Variants in SNAP47 observed in about 807,000 individuals in gnomAD.
SNAP47 encodes synaptosome associated protein 47.
Under a neutral mutation model 31.4 loss-of-function variants are expected in SNAP47, and 20 were observed. The observed-to-expected ratio is 0.64, with a 90% CI of 0.45 to 0.93. SNAP47 has a LOEUF of 0.93. SNAP47 is among the 40% of genes least tolerant of loss of function. The probability of loss-of-function intolerance (pLI) is 0.00; values close to 1 mark genes in which losing one functional copy is unlikely to be tolerated. For synonymous variants in SNAP47, 194 were observed against 213.4 expected (o/e 0.91, Z 0.79); for missense variants, 492 against 528.5 (o/e 0.93, Z 0.68).
At chr1:227,732,659 G>A (rs1200567624), upstream of SNAP47, 1 of 1,612,972 alleles carries the variant, frequency 6.2e-7, no homozygotes, top group Admixed American at 1.7e-5. Flanking sequence ...TGATGCCCGA[G>A]CAGGACCTCA....
At chr1:227,729,188 G>A (rs1291992291) in intron 1 of SNAP47, among the ~76,000 whole-genome samples, 1 of 152,232 alleles carries the variant, frequency 6.6e-6, no homozygotes, top group Non-Finnish European at 1.5e-5. Context: ...CCTGCAGTGG[G>A]AGGGTAACTG....
At chr1:227,773,075 C>T (rs144929835) in intron 4 of SNAP47, among the ~76,000 whole-genome samples, 11,441 of 151,720 alleles carry the variant, frequency 0.075, 712 homozygotes, top group East Asian at 0.32. Flanking sequence ...ATTCTCCCAC[C>T]TCAGCCTCCC....
chr1:227,766,299 C>T (rs1663397603), intron 3 of SNAP47, among the ~76,000 whole-genome samples: 1 of 152,228 alleles, frequency 6.6e-6, no homozygotes, highest in Admixed American at 6.5e-5. Flanking sequence ...AACATTGCGC[C>T]CTTATCTGGG....
chr1:227,758,746 C>T (rs1290567866), intron 2 of SNAP47, among the ~76,000 whole-genome samples: 2 of 152,144 alleles, frequency 1.3e-5, no homozygotes, highest in African/African-American at 2.4e-5. Flanking sequence ...AGAAGGTGTG[C>T]ATTTTTGCTG....
At chr1:227,728,987 G>A (rs941922963) in intron 1 of SNAP47, among the ~76,000 whole-genome samples, 1 of 152,204 alleles carries the variant, frequency 6.6e-6, no homozygotes, top group Non-Finnish European at 1.5e-5. Context: ...TCCACGAGCT[G>A]CGGCTCTCTA....
chr1:227,744,698 G>A (rs1462708727), intron 1 of SNAP47, among the ~76,000 whole-genome samples: 1 of 152,026 alleles, frequency 6.6e-6, no homozygotes, highest in Non-Finnish European at 1.5e-5. Flanking sequence ...GTGTGGCAAC[G>A]CCCTGGCAGT....
chr1:227,740,557 A>G (rs1558190115), intron 1 of SNAP47, among the ~76,000 whole-genome samples: 1 of 152,144 alleles, frequency 6.6e-6, no homozygotes, highest in African/African-American at 2.4e-5. Context: ...GGGCACACAT[A>G]TAATGGAAAG....
At chr1:227,734,647 T>C (rs764480381), upstream of SNAP47, 9 of 1,613,806 alleles carry the variant, frequency 5.6e-6, no homozygotes, top group East Asian at 6.7e-5. Flanking sequence ...CCAAGCCCCA[T>C]TACCTGCACA....
At chr1:227,749,801 G>C (rs558876991) in intron 2 of SNAP47, among the ~76,000 whole-genome samples, 1 of 124,876 alleles carries the variant, frequency 8.0e-6, no homozygotes, top group South Asian at 2.5e-4. Flanking sequence ...GTGTGTTTCT[G>C]TTTGTGTCTG....
upstream of SNAP47, among the ~76,000 whole-genome samples, chr1:227,730,164 A>G (rs1660548497): frequency 6.6e-6 from 1 of 152,200 alleles, no homozygotes; most frequent in Non-Finnish European, 1.5e-5. Context: ...GCAGGGGCTA[A>G]CCACCGCACA....
chr1:227,763,184 G>A lies in SNAP47; in HGVS notation c.988+3699G>A, dbSNP rs1473389831. ...TGCCTAGGCTGGTCTTGAACTCCTG[G>A]GCTCAAGTGATCCTCTCACCTCAGC... is the stretch of plus-strand genomic sequence containing the variant. On this transcript the variant is annotated intron_variant, in intron 3 of 4. Transcript: ENST00000617596. The surrounding 1 kb of genome is among the most constrained non-coding windows in gnomAD (Gnocchi z 4.2). Among the ~76,000 whole-genome samples the A allele has an allele frequency of 6.6e-5, 10 of 151,914 alleles. No homozygotes were observed. Among genetic ancestry groups the A allele is most frequent in the African/African-American group, 2.4e-4 (10 of 41,322 alleles).
intron 3 of SNAP47, among the ~76,000 whole-genome samples, chr1:227,761,758 T>C (rs1354972563): frequency 6.6e-6 from 1 of 152,164 alleles, no homozygotes; most frequent in East Asian, 1.9e-4. Context: ...TGTGACATTC[T>C]GTGGAGTTCA....
chr1:227,737,265 A>G (rs1661279674), intron 1 of SNAP47, among the ~76,000 whole-genome samples: 1 of 152,252 alleles, frequency 6.6e-6, no homozygotes, highest in Non-Finnish European at 1.5e-5. Context: ...CTGTGTGCAC[A>G]TAGGTGCTCT....
At chr1:227,734,716 C>T (rs771748018), upstream of SNAP47, 2 of 1,614,176 alleles carry the variant, frequency 1.2e-6, no homozygotes, top group Non-Finnish European at 8.5e-7. Context: ...CCTGTATGTA[C>T]TCTTTCCAGT....
chr1:227,733,745 C>T, upstream of SNAP47: 2 of 1,595,402 alleles, frequency 1.3e-6, no homozygotes, highest in South Asian at 1.1e-5. Flanking sequence ...CTTGGCACCC[C>T]AGAGGCCTGG....
intron 4 of SNAP47, among the ~76,000 whole-genome samples, chr1:227,773,172 T>C (rs1298940054): frequency 2.0e-5 from 3 of 147,630 alleles, no homozygotes; most frequent in Non-Finnish European, 3.0e-5. Context: ...AGTCTCCCTA[T>C]GTTGCCCAGG....
At chr1:227,735,088 C>G (rs1660990913), upstream of SNAP47, 1 of 1,571,984 alleles carries the variant, frequency 6.4e-7, no homozygotes, top group Non-Finnish European at 8.6e-7. Context: ...CCCAGCCCTG[C>G]GTGAAGGCGC....
chr1:227,777,545 G>A (rs578199242), intron 4 of SNAP47, among the ~76,000 whole-genome samples: 6 of 152,266 alleles, frequency 3.9e-5, no homozygotes, highest in South Asian at 4.2e-4. Flanking sequence ...CCTTCATGGC[G>A]GCTTGCTAGG....
At chr1:227,756,299 T>A (rs1174382402) in intron 2 of SNAP47, among the ~76,000 whole-genome samples, 2 of 152,244 alleles carry the variant, frequency 1.3e-5, no homozygotes, top group Non-Finnish European at 2.9e-5. Flanking sequence ...GCAGTGCGTC[T>A]CTCATCTCTT....
Sources: gnomAD v4.1 joint callset for allele counts (sites outside exome capture counted in the v4.1 genomes callset) on GRCh38, gnomAD v4.1.1 for gene constraint, Gnocchi (gnomAD v3.1) non-coding constraint, MANE v1.5 for transcripts, NCBI Gene and HGNC (gene_info 2026-07-23, HGNC 2026-07-21) for gene names.